The following STK32A variants were observed in gnomAD, a reference collection of about 807,000 sequenced individuals.
The protein encoded by STK32A is serine/threonine kinase 32A, also known as serine/threonine-protein kinase 32A.
STK32A carries 41 observed loss-of-function variants against 53.2 expected under a neutral mutation model. The observed-to-expected ratio is 0.77, with a 90% confidence interval of 0.60 to 1.00. The LOEUF is 1.00. STK32A is among the 50% of genes least tolerant of loss of function. The probability of loss-of-function intolerance (pLI) is 0.00; values close to 1 mark genes in which losing one functional copy is unlikely to be tolerated. For missense variants in STK32A, 458 were observed against 485.8 expected (o/e 0.94, Z 0.54); for synonymous variants, 166 against 162.8 (o/e 1.02, Z -0.15).
intron 4 of STK32A, among the ~76,000 whole-genome samples, chr5:147,316,065 A>T (rs1753977797): frequency 6.6e-6 from 1 of 152,200 alleles, no homozygotes; most frequent in Non-Finnish European, 1.5e-5. Context: ...AAGAAAGAAC[A>T]GCAAAAATAT....
At chr5:147,397,051 C>T in the STK32A span, among the ~76,000 whole-genome samples, 11 of 146,674 alleles carry the variant, frequency 7.5e-5, no homozygotes, top group Non-Finnish European at 1.3e-4. Context: ...ATATATTATT[C>T]TATATTTATA....
At chr5:147,399,426 G>A in the STK32A span, among the ~76,000 whole-genome samples, 6 of 152,188 alleles carry the variant, frequency 3.9e-5, no homozygotes, top group African/African-American at 7.2e-5. Context: ...CTGGGCTGTC[G>A]TGACTACTCA....
chr5:147,323,472 T>C (rs1478809402), intron 4 of STK32A, among the ~76,000 whole-genome samples: 3 of 152,196 alleles, frequency 2.0e-5, no homozygotes, highest in East Asian at 3.9e-4. Flanking sequence ...GTTGTTAGTA[T>C]AGAAAAATGG....
chr5:147,239,939 C>T, intron 2 of STK32A: 4 of 448,732 alleles, frequency 8.9e-6, no homozygotes, highest in Non-Finnish European at 1.6e-5. Flanking sequence ...TGCAGTTGGG[C>T]ATGTGGTGGA....
chr5:147,280,393 C>A (rs1309517291), intron 4 of STK32A, among the ~76,000 whole-genome samples: 1 of 60,518 alleles, frequency 1.7e-5, no homozygotes, highest in East Asian at 5.2e-4. Flanking sequence ...TAGAAACAAC[C>A]TGGGAGCTGT....
intron 2 of STK32A, among the ~76,000 whole-genome samples, chr5:147,276,746 A>T (rs73794397): frequency 2.9e-3 from 449 of 152,340 alleles, no homozygotes; most frequent in African/African-American, 0.01. Context: ...TCAGAAGAGA[A>T]GTCATTCCCT....
chr5:147,383,812 A>G (rs1055586702), intron 12 of STK32A, 78 bp from the exon 13 acceptor site: 1 of 1,248,476 alleles, frequency 8.0e-7, no homozygotes, highest in Non-Finnish European at 1.1e-6. Flanking sequence ...TATTGGGCTT[A>G]ATATTATTTC....
chr5:147,247,222 C>T (rs1753800733), intron 2 of STK32A, among the ~76,000 whole-genome samples: 1 of 152,150 alleles, frequency 6.6e-6, no homozygotes, highest in African/African-American at 2.4e-5. Flanking sequence ...AATGTCAACT[C>T]GATTAGAGTG....
intron 5 of STK32A, among the ~76,000 whole-genome samples, chr5:147,338,358 G>T (rs372157144): frequency 7.6e-4 from 116 of 152,172 alleles, no homozygotes; most frequent in African/African-American, 2.6e-3. Flanking sequence ...GATTGTGAGG[G>T]CTCCCCAGCC....
intron 2 of STK32A, among the ~76,000 whole-genome samples, chr5:147,277,394 A>T (rs1443605328): frequency 6.6e-6 from 1 of 152,154 alleles, no homozygotes; most frequent in Non-Finnish European, 1.5e-5. Context: ...TAAACTAATC[A>T]ACAATTGCTT....
intron 2 of STK32A, among the ~76,000 whole-genome samples, chr5:147,275,333 CTTT>C (rs10595898): frequency 6.7e-6 from 1 of 148,832 alleles, no homozygotes. Flanking sequence ...CTTCCAGTCA[CTTT>C]TTTTTTTTTG....
At chr5:147,397,683 T>G in the STK32A span, 11 of 1,613,860 alleles carry the variant, frequency 6.8e-6, no homozygotes, top group Non-Finnish European at 9.3e-6. Flanking sequence ...CGTGCTTTAA[T>G]GCGCTTGTAG....
chr5:147,269,237 G>T (rs185365490), intron 2 of STK32A, among the ~76,000 whole-genome samples: 2 of 152,294 alleles, frequency 1.3e-5, no homozygotes, highest in East Asian at 3.9e-4. Flanking sequence ...TAGCTACTAT[G>T]AATTTTTCTG....
intron 2 of STK32A, among the ~76,000 whole-genome samples, chr5:147,255,142 A>T (rs1418957650): frequency 1.3e-5 from 2 of 152,236 alleles, no homozygotes; most frequent in African/African-American, 4.8e-5. Flanking sequence ...CCTCAAAAAC[A>T]AAACAAAAAA....
At chr5:147,298,952 G>A (rs921757986) in intron 4 of STK32A, among the ~76,000 whole-genome samples, 23 of 152,244 alleles carry the variant, frequency 1.5e-4, no homozygotes, top group African/African-American at 5.5e-4. Flanking sequence ...TGCCAGATCT[G>A]GTGAGGTTGG....
rs534337759 is a variant in STK32A, at chr5:147,265,089, A to G, written c.53-13035A>G. ...TACTGATAGCATATTCGTTTTATATATATGTGTGTATATATATATATCTTA... is the reference window on the plus strand; with the variant it reads ...TACTGATAGCATATTCGTTTTATATGTATGTGTGTATATATATATATCTTA... On this transcript the variant is annotated intron_variant, in intron 2 of 12. Coordinates refer to ENST00000397936, the MANE Select transcript of STK32A (RefSeq NM_001112724.2). Among the ~76,000 whole-genome samples, 3 of 55,732 alleles carry G rather than the reference A, an allele frequency of 5.4e-5. No individual in the cohort carries two copies. The East Asian group carries it at 1.1e-3, about 21-fold the overall frequency. The allele number at this position is 55,732 out of a possible 152,430, so 36.6% of individuals were successfully genotyped here. A position where few individuals can be genotyped will look rare whatever the true frequency, so the allele number is the denominator to read the frequency against.
At chr5:147,270,841 T>G (rs6870535) in intron 2 of STK32A, among the ~76,000 whole-genome samples, 99,208 of 151,696 alleles carry the variant, frequency 0.65, 32,819 homozygotes, top group African/African-American at 0.75. Context: ...GTATCAAGAA[T>G]ATTTGATGCA....
At position 147,332,109 on chromosome 5, in the gene STK32A, G is replaced by A. The variant is rs76784215; in HGVS notation, c.434+8038G>A. On this transcript the variant is annotated intron_variant, in intron 5 of 12. Coordinates refer to ENST00000397936, the MANE Select transcript of STK32A (RefSeq NM_001112724.2). ...TTTAATCTTTGCTTCTCTAGTAGGT[G>A]CTACTCAGAGCACCTTCTGTCCTCA... 1.0e-3 allele frequency among the ~76,000 whole-genome samples: 152 copies of A among 152,264 alleles called. 5 individuals carry two copies. In the East Asian group the frequency reaches 0.026, roughly 26 times the overall value.
In STK32A at chr5:147,351,161, G is replaced by A. The variant is rs1755957180; in HGVS notation, c.562+7G>A. On this transcript the variant is annotated splice_region_variant and intron_variant, in intron 7 of 12. Transcript: ENST00000397936. Reference sequence around the variant, plus strand: ...GGCACCAAGCCTTACATGGGTATGGGTTTCATGAGTGTCTTTTTTTTTTCT... The same window carrying A: ...GGCACCAAGCCTTACATGGGTATGGATTTCATGAGTGTCTTTTTTTTTTCT... The A allele has an allele frequency of 3.1e-6, 5 of 1,608,108 alleles. No individual in the cohort carries two copies. Among genetic ancestry groups the A allele is most frequent in the Non-Finnish European group, 4.3e-6 (5 of 1,175,904 alleles).
Sources: allele counts gnomAD v4.1 joint callset (sites outside exome capture counted in the v4.1 genomes callset), GRCh38; gene constraint gnomAD v4.1.1; transcripts MANE v1.5; gene names NCBI Gene and HGNC (gene_info 2026-07-23, HGNC 2026-07-21).